Variants in ZNF385B observed in about 807,000 individuals in gnomAD.
The protein encoded by ZNF385B is zinc finger protein 533.
ZNF385B carries 23 observed loss-of-function variants against 39.2 expected under a neutral mutation model. The observed-to-expected ratio is 0.59, with a 90% CI of 0.42 to 0.83. The LOEUF (loss-of-function observed/expected upper bound fraction) is 0.83, where lower values mean the gene tolerates loss of function less well. ZNF385B is among the 40% of genes least tolerant of loss of function. The pLI, the probability that ZNF385B is intolerant of heterozygous loss-of-function variation, is 0.00. For synonymous variants in ZNF385B, 205 were observed against 222.6 expected, an observed-to-expected ratio of 0.92 and a Z score of 0.70; for missense variants, 552 against 598.9, an observed-to-expected ratio of 0.92 and a Z score of 0.82.
chr2:179,494,064 TA>T (rs2055884695), intron 5 of ZNF385B, among the ~76,000 whole-genome samples: 1 of 151,718 alleles, frequency 6.6e-6, no homozygotes, highest in East Asian at 1.9e-4. Flanking sequence ...TATAATGCTA[TA>T]AAAAAATAAA....
intron 1 of ZNF385B, among the ~76,000 whole-genome samples, chr2:179,797,699 A>G (rs1051664849): frequency 1.3e-5 from 2 of 152,062 alleles, no homozygotes; most frequent in Non-Finnish European, 2.9e-5. Context: ...TAATGCATTC[A>G]TTCATTTTTC....
At chr2:179,860,754 T>C (rs259816) in intron 1 of ZNF385B, 444,654 of 450,794 alleles carry the variant, frequency 0.99, 219,586 homozygotes, top group East Asian at 1. Context: ...CGGCTAAACA[T>C]AGCGGGGCAC....
intron 3 of ZNF385B, among the ~76,000 whole-genome samples, chr2:179,617,834 G>T (rs1416363363): frequency 6.6e-6 from 1 of 152,164 alleles, no homozygotes; most frequent in African/African-American, 2.4e-5. Flanking sequence ...TTATACCAAG[G>T]AGGTAATTTT....
chr2:179,464,682 C>G (rs538719466), intron 6 of ZNF385B, among the ~76,000 whole-genome samples: 2 of 152,122 alleles, frequency 1.3e-5, no homozygotes, highest in Non-Finnish European at 2.9e-5. Flanking sequence ...ATTTCTGAGG[C>G]CTCTGTTCTG....
chr2:179,643,280 A>G (rs1294223040), intron 3 of ZNF385B, among the ~76,000 whole-genome samples: 5 of 152,176 alleles, frequency 3.3e-5, no homozygotes, highest in African/African-American at 1.2e-4. Context: ...ACATAAGGAA[A>G]TGTATCAACA....
At chr2:179,512,796 C>A (rs1446571879) in intron 5 of ZNF385B, among the ~76,000 whole-genome samples, 1 of 152,198 alleles carries the variant, frequency 6.6e-6, no homozygotes, top group Non-Finnish European at 1.5e-5. Context: ...ACTGCAATGC[C>A]TGCTCCCTGG....
chr2:179,626,562 G>A (rs1690680803), intron 3 of ZNF385B, among the ~76,000 whole-genome samples: 1 of 152,116 alleles, frequency 6.6e-6, no homozygotes, highest in Non-Finnish European at 1.5e-5. Context: ...TAGTATTAGT[G>A]TCTGCAGATT....
chr2:179,468,206 A>G (rs1166747476), intron 6 of ZNF385B, among the ~76,000 whole-genome samples: 1 of 152,246 alleles, frequency 6.6e-6, no homozygotes, highest in Admixed American at 6.5e-5. Flanking sequence ...CTTCTGTATC[A>G]GTGAACTGGC....
intron 3 of ZNF385B, among the ~76,000 whole-genome samples, chr2:179,650,375 G>A (rs1380984570): frequency 6.6e-6 from 1 of 152,144 alleles, no homozygotes; most frequent in African/African-American, 2.4e-5. Context: ...CAGGACACTG[G>A]TCCATGGAGA....
chr2:179,770,829 AAGGGATTTTC>A (rs1339862238), intron 1 of ZNF385B, among the ~76,000 whole-genome samples, 157 bp from the exon 2 acceptor site: 1 of 152,184 alleles, frequency 6.6e-6, no homozygotes, highest in Non-Finnish European at 1.5e-5. Flanking sequence ...GAAGATTCGA[AAGGGATTTTC>A]AGTACTTTGA....
At chr2:179,611,528 T>C (rs1411529261) in intron 3 of ZNF385B, among the ~76,000 whole-genome samples, 4 of 152,212 alleles carry the variant, frequency 2.6e-5, no homozygotes, top group Admixed American at 1.3e-4. Context: ...CTTTGACTGG[T>C]TTTTGTATCA....
At chr2:179,727,175 G>T (rs1701075266) in intron 3 of ZNF385B, among the ~76,000 whole-genome samples, 1 of 151,592 alleles carries the variant, frequency 6.6e-6, no homozygotes, top group Non-Finnish European at 1.5e-5. Context: ...TCAGAAGCAA[G>T]GTATTTTATC....
At chr2:179,741,258 C>A (rs1702068958) in intron 3 of ZNF385B, among the ~76,000 whole-genome samples, 1 of 152,134 alleles carries the variant, frequency 6.6e-6, no homozygotes, top group South Asian at 2.1e-4. Context: ...ACTGCAGGTT[C>A]TCCTAACACC....
chr2:179,591,466 C>T (rs1220660083), intron 3 of ZNF385B, among the ~76,000 whole-genome samples: 1 of 152,108 alleles, frequency 6.6e-6, no homozygotes, highest in Non-Finnish European at 1.5e-5. Context: ...AGGGGTTGGC[C>T]TGGCTAATAC....
intron 3 of ZNF385B, among the ~76,000 whole-genome samples, chr2:179,663,678 CCA>C (rs1173164450): frequency 2.1e-5 from 3 of 141,376 alleles, no homozygotes; most frequent in Non-Finnish European, 3.0e-5. Context: ...CCGCTGCATT[CCA>C]TCCAGCCTGG....
chr2:179,570,780 T>A (rs1436297491), intron 3 of ZNF385B, among the ~76,000 whole-genome samples: 1 of 152,228 alleles, frequency 6.6e-6, no homozygotes, highest in Non-Finnish European at 1.5e-5. Context: ...CCAGGAATTG[T>A]ATGCAAATAT....
chr2:179,675,083 A>G (rs957894212), intron 3 of ZNF385B, among the ~76,000 whole-genome samples: 3 of 152,206 alleles, frequency 2.0e-5, no homozygotes, highest in African/African-American at 7.2e-5. Flanking sequence ...CTAACTGCTA[A>G]TAGTCTACTG....
chr2:179,696,212 A>G (rs770133734), intron 3 of ZNF385B, among the ~76,000 whole-genome samples: 25 of 151,930 alleles, frequency 1.6e-4, no homozygotes, highest in Non-Finnish European at 2.9e-4. Context: ...TGATGATCGT[A>G]TGTATCTGTG....
chr2:179,671,876 G>C (rs1272289376), intron 3 of ZNF385B, among the ~76,000 whole-genome samples: 34 of 152,260 alleles, frequency 2.2e-4, no homozygotes, highest in Non-Finnish European at 5.0e-4. Context: ...ACTGTCACCA[G>C]GACAGCACCA....
Sources: gnomAD v4.1 joint callset for allele counts (sites outside exome capture counted in the v4.1 genomes callset) on GRCh38, gnomAD v4.1.1 for gene constraint, MANE v1.5 for transcripts, NCBI Gene and HGNC (gene_info 2026-07-23, HGNC 2026-07-21) for gene names.